PALLD: variants seen among roughly 807,000 people sequenced by gnomAD.
PALLD encodes the protein palladin, cytoskeletal associated protein, also known as palladin.
Under a neutral mutation model 123.5 loss-of-function variants are expected in PALLD, and 61 were observed. The ratio of observed to expected loss-of-function variants is 0.49; its 90% CI spans 0.40 to 0.61. The LOEUF is 0.61. Ranked by LOEUF, PALLD falls within the 20% of genes least tolerant of loss-of-function variation. The pLI is 0.00. For synonymous variants in PALLD, 465 were observed against 496.4 expected (o/e 0.94, Z 0.84); for missense variants, 1,273 against 1,377.0 (o/e 0.92, Z 1.20).
At chr4:168,593,777 A>C (rs1410409555) in intron 2 of PALLD, among the ~76,000 whole-genome samples, 1 of 152,216 alleles carries the variant, frequency 6.6e-6, no homozygotes, top group Non-Finnish European at 1.5e-5. Flanking sequence ...CCCACCAAAA[A>C]TCCCATGTAA....
At chr4:168,908,148 T>G (rs1758194580) in intron 15 of PALLD, among the ~76,000 whole-genome samples, 1 of 152,216 alleles carries the variant, frequency 6.6e-6, no homozygotes, top group Non-Finnish European at 1.5e-5. Context: ...CCTAGTTGAT[T>G]TTAATTCCAA....
intron 3 of PALLD, among the ~76,000 whole-genome samples, chr4:168,680,119 A>C (rs1781394235): frequency 6.6e-6 from 1 of 152,184 alleles, no homozygotes; most frequent in African/African-American, 2.4e-5. Flanking sequence ...ATGCCAAGTG[A>C]ACATGCCATG....
At chr4:168,602,025 C>G (rs1772712726) in intron 2 of PALLD, among the ~76,000 whole-genome samples, 1 of 152,174 alleles carries the variant, frequency 6.6e-6, no homozygotes. Flanking sequence ...TGGGGCCGGG[C>G]AACCACCATC....
chr4:168,683,971 T>C (rs1781791416), intron 5 of PALLD, among the ~76,000 whole-genome samples: 1 of 152,194 alleles, frequency 6.6e-6, no homozygotes, highest in South Asian at 2.1e-4. Flanking sequence ...TCAACAAGTA[T>C]CAGTTACTCA....
At chr4:168,832,501 C>T (rs998928583) in intron 10 of PALLD, among the ~76,000 whole-genome samples, 6 of 152,180 alleles carry the variant, frequency 3.9e-5, no homozygotes, top group Admixed American at 6.5e-5. Flanking sequence ...CACCTCGCAC[C>T]CCCACGGCCC....
intron 10 of PALLD, among the ~76,000 whole-genome samples, chr4:168,854,610 C>G (rs1748308749): frequency 6.6e-6 from 1 of 152,188 alleles, no homozygotes; most frequent in Non-Finnish European, 1.5e-5. Flanking sequence ...TGCTGTCCAG[C>G]AGGTTCAGCT....
intron 2 of PALLD, among the ~76,000 whole-genome samples, chr4:168,663,197 T>C (rs116831649): frequency 1.6e-3 from 245 of 152,352 alleles, no homozygotes; most frequent in African/African-American, 5.5e-3. Context: ...GATTAGGAGA[T>C]GACTGTCATT....
intron 10 of PALLD, among the ~76,000 whole-genome samples, chr4:168,786,834 A>T (rs565414889): frequency 6.6e-6 from 1 of 152,352 alleles, no homozygotes; most frequent in African/African-American, 2.4e-5. Flanking sequence ...ATTAATTAAA[A>T]TTGTTATACA....
intron 15 of PALLD, 123 bp downstream of exon 15, chr4:168,904,029 C>A: frequency 1.1e-6 from 1 of 940,870 alleles, no homozygotes; most frequent in African/African-American, 1.6e-5. Context: ...ACTATTTTTC[C>A]AAATTCTACA....
At chr4:168,607,382 A>G (rs1258009112) in intron 2 of PALLD, among the ~76,000 whole-genome samples, 3 of 152,200 alleles carry the variant, frequency 2.0e-5, no homozygotes, top group Admixed American at 6.5e-5. Flanking sequence ...CCGGAGGTGT[A>G]ACTGATTGAT....
At chr4:168,796,892 G>A (rs924796372) in intron 10 of PALLD, among the ~76,000 whole-genome samples, 40 of 152,134 alleles carry the variant, frequency 2.6e-4, no homozygotes, top group Non-Finnish European at 3.5e-4. Context: ...GCTAGAAGGA[G>A]CAAAGTACAT....
intron 8 of PALLD, among the ~76,000 whole-genome samples, chr4:168,698,318 A>G (rs1253586696): frequency 6.6e-6 from 1 of 152,226 alleles, no homozygotes; most frequent in African/African-American, 2.4e-5. Flanking sequence ...GTAGTCAATA[A>G]GAAATTAATT....
rs1409360651 is a variant in PALLD at position 168,511,643 on chromosome 4, C to G, written c.139C>G (p.Arg47Gly). The change falls in exon 2 of 22, where the codon CGG becomes GGG. Residue 47 changes from arginine (R) to glycine (G), a missense_variant. Around this residue, in one of 2 missense-constraint regions of PALLD, gnomAD observed 944 missense variants for 954.5 expected, o/e 0.99. Transcript: ENST00000505667. The stretch of plus-strand genomic sequence containing the variant: ...GATAAACAAGAGTCTTGACCTGGCC[C>G]GGAGAGCCATAGCCGACTCCGAAAC... Reference protein sequence around the residue: ...EEINKSLDLARRAIADSETED... With the variant: ...EEINKSLDLAGRAIADSETED... 1.2e-6 allele frequency: 2 copies of G among 1,614,110 alleles called. No individual in the cohort carries two copies. Among genetic ancestry groups the G allele is most frequent in the South Asian group, 1.1e-5 (1 of 91,084 alleles).
At chr4:168,533,242 T>C (rs905292767) in intron 2 of PALLD, among the ~76,000 whole-genome samples, 4 of 152,198 alleles carry the variant, frequency 2.6e-5, no homozygotes, top group Admixed American at 2.6e-4. Flanking sequence ...TAAAAATATC[T>C]TTCCCTTCTA....
chr4:168,518,426 A>C (rs73863638), intron 2 of PALLD, among the ~76,000 whole-genome samples: 7,782 of 152,130 alleles, frequency 0.051, 354 homozygotes, highest in South Asian at 0.15. Flanking sequence ...TCCGAGTAAA[A>C]TCCATAGTTC....
intron 10 of PALLD, among the ~76,000 whole-genome samples, chr4:168,714,412 G>C (rs1271664130): frequency 6.6e-6 from 1 of 152,130 alleles, no homozygotes; most frequent in Non-Finnish European, 1.5e-5. Flanking sequence ...AAAATGGTTT[G>C]TTCAGTGTTC....
In PALLD at chr4:168,804,912, A is replaced by G. The variant is rs558374562; in HGVS notation, c.1965-86010A>G. 2.6e-3 allele frequency among the ~76,000 whole-genome samples: 398 copies of G among 152,224 alleles called. 1 individual carries two copies. The highest frequency in any genetic ancestry group is 0.017 in the Middle Eastern group (5 of 294). On this transcript the variant is annotated intron_variant, in intron 10 of 21. Coordinates refer to ENST00000505667, the MANE Select transcript of PALLD (RefSeq NM_001166108.2). ...GTGGTGGCTCACACCTGTAATCCCA[A>G]CAGTTTGGGAGGCCAAGGCGGGCAG...
intron 10 of PALLD, among the ~76,000 whole-genome samples, chr4:168,813,832 A>T (rs1030805576): frequency 1.3e-5 from 2 of 149,288 alleles, no homozygotes; most frequent in Non-Finnish European, 3.0e-5. Context: ...TCAAAAAACA[A>T]ATCATTCATG....
intron 2 of PALLD, among the ~76,000 whole-genome samples, chr4:168,646,350 A>G (rs1400299687): frequency 6.6e-6 from 1 of 152,238 alleles, no homozygotes; most frequent in East Asian, 1.9e-4. Flanking sequence ...CTTCGGGGCC[A>G]CCAGCAATCT....
Sources: gnomAD v4.1 joint callset for allele counts (sites outside exome capture counted in the v4.1 genomes callset) on GRCh38, gnomAD v4.1.1 for gene constraint, gnomAD v4.1.1 regional missense constraint, MANE v1.5 for transcripts, NCBI Gene and HGNC (gene_info 2026-07-23, HGNC 2026-07-21) for gene names.